Variants in EXOC3L2 observed in about 807,000 individuals in gnomAD.
EXOC3L2 encodes the protein exocyst complex component 3-like protein 2.
Under a neutral mutation model 44.4 loss-of-function variants are expected in EXOC3L2, and 17 were observed. The observed-to-expected ratio is 0.38, with a 90% CI of 0.26 to 0.57. The LOEUF is 0.57. Ranked by LOEUF, EXOC3L2 falls within the 20% of genes least tolerant of loss-of-function variation. EXOC3L2 has a pLI of 0.65. For missense variants in EXOC3L2, 541 were observed against 588.4 expected (o/e 0.92, Z 0.83); for synonymous variants, 256 against 253.7 (o/e 1.01, Z -0.09).
chr19:45,212,982 A>T lies in EXOC3L2; in HGVS notation c.*87T>A. The T allele has an allele frequency of 7.4e-7, 1 of 1,356,776 alleles. No homozygotes were observed. The highest frequency in any genetic ancestry group is 9.6e-7 in the Non-Finnish European group (1 of 1,043,078). 84.0% of individuals were successfully genotyped at this position (1,356,776 alleles called of 1,614,324 possible). On this transcript the variant is annotated 3_prime_UTR_variant, in exon 12 of 12. Transcript: ENST00000413988. ...TTCTATCCCAGGGGTGTGTGGTCCC[A>T]GGCAGGGAGTCAGGAGGGGCGCCGT...
At chr19:45,231,714 C>T in intron 4 of EXOC3L2, 49 bp downstream of exon 4, 3 of 1,512,058 alleles carry the variant, frequency 2.0e-6, no homozygotes, top group Non-Finnish European at 2.7e-6. Flanking sequence ...CACTGTGACC[C>T]CCTCCCTCCA....
At chr19:45,214,707 C>A (rs1275851844) in intron 11 of EXOC3L2, among the ~76,000 whole-genome samples, 7 of 151,862 alleles carry the variant, frequency 4.6e-5, no homozygotes, top group Admixed American at 4.6e-4. Flanking sequence ...TCAGGTGATC[C>A]ACCTACCTCG....
At chr19:45,225,005 C>G (rs1385850267) in intron 7 of EXOC3L2, 92 bp from the exon 8 acceptor site, 1 of 1,349,282 alleles carries the variant, frequency 7.4e-7, no homozygotes, top group East Asian at 2.8e-5. Context: ...CAGAGGGGCA[C>G]AGGGGTGACA....
chr19:45,222,201 C>CTTTT (rs60929770), intron 8 of EXOC3L2, among the ~76,000 whole-genome samples: 16 of 137,206 alleles, frequency 1.2e-4, no homozygotes, highest in African/African-American at 4.1e-4. Flanking sequence ...TTTTTCTCTC[C>CTTTT]TTTTTTTTTT....
At chr19:45,244,119 T>G (rs1970151259) in intron 1 of EXOC3L2, among the ~76,000 whole-genome samples, 1 of 151,648 alleles carries the variant, frequency 6.6e-6, no homozygotes, top group Non-Finnish European at 1.5e-5. Flanking sequence ...AGATGAGGTT[T>G]CGCCCTGTTG....
At chr19:45,232,412 A>G (rs1219513217) in intron 3 of EXOC3L2, among the ~76,000 whole-genome samples, 1 of 152,180 alleles carries the variant, frequency 6.6e-6, no homozygotes, top group Non-Finnish European at 1.5e-5. Flanking sequence ...CGGACTCCCT[A>G]TCCTGCCTCC....
At chr19:45,216,803 T>G (rs1048816059) in intron 10 of EXOC3L2, 2 of 152,124 alleles carry the variant, frequency 1.3e-5, no homozygotes, top group Non-Finnish European at 2.9e-5. Context: ...TTCTTACATC[T>G]GCATGTGAAT....
chr19:45,229,302 ATATATT>A (rs1299910208), intron 4 of EXOC3L2, among the ~76,000 whole-genome samples: 1 of 120,920 alleles, frequency 8.3e-6, no homozygotes, highest in Non-Finnish European at 1.7e-5. Flanking sequence ...AAATATATAC[ATATATT>A]TATGTATTAA....
Position 45,234,109 on chromosome 19 carries a change from A to G in EXOC3L2, c.1157+84T>C. ...CTAGGACTGTAGGGTCAGCTGTCCC[A>G]AGGTCCTTAAGGTCTGAAGAAGCCA... On this transcript the variant is annotated intron_variant, in intron 3 of 11. Coordinates refer to ENST00000413988, the MANE Select transcript of EXOC3L2 (RefSeq NM_001382422.1). The surrounding 1 kb of genome is among the most constrained non-coding windows in gnomAD (Gnocchi z 5.0). 2.7e-6 allele frequency: 1 copy of G among 377,338 alleles called. No homozygotes were observed. Among genetic ancestry groups the G allele is most frequent in the East Asian group, 3.8e-5 (1 of 26,244 alleles). The allele number at this position is 377,338 out of a possible 1,614,324, so 23.4% of individuals were successfully genotyped here.
intron 3 of EXOC3L2, among the ~76,000 whole-genome samples, chr19:45,233,529 G>A (rs1007605136): frequency 6.6e-6 from 1 of 152,118 alleles, no homozygotes; most frequent in African/African-American, 2.4e-5. Context: ...AGACTGGAAG[G>A]GTGAACAGCT....
intron 10 of EXOC3L2, chr19:45,217,066 A>C: frequency 6.6e-6 from 1 of 151,936 alleles, no homozygotes; most frequent in Non-Finnish European, 1.5e-5. Context: ...TCTGTCCTCC[A>C]GGCTGGAGTG....
At chr19:45,216,443 G>T (rs1044191845) in intron 10 of EXOC3L2, among the ~76,000 whole-genome samples, 2 of 152,078 alleles carry the variant, frequency 1.3e-5, no homozygotes, top group Non-Finnish European at 2.9e-5. Flanking sequence ...GCCAGGCGTG[G>T]TGGTGCACAC....
intron 8 of EXOC3L2, among the ~76,000 whole-genome samples, chr19:45,224,447 C>T (rs966251678): frequency 1.3e-5 from 2 of 151,944 alleles, no homozygotes; most frequent in African/African-American, 2.4e-5. Context: ...ACCTTTGCAC[C>T]GAACCCCTAT....
At chr19:45,227,580 A>G (rs1365017361) in intron 7 of EXOC3L2, 82 bp downstream of exon 7, 4 of 1,224,418 alleles carry the variant, frequency 3.3e-6, no homozygotes, top group Middle Eastern at 1.9e-4. Context: ...CAGTTCTGCA[A>G]TCCCCACCCA....
chr19:45,236,603 TA>T (rs1334538137), intron 2 of EXOC3L2, among the ~76,000 whole-genome samples: 6 of 150,178 alleles, frequency 4.0e-5, no homozygotes, highest in East Asian at 3.9e-4. Flanking sequence ...GGACTCAGGA[TA>T]GGGGTGAAGA....
At chr19:45,216,440 G>A (rs1200622591) in intron 10 of EXOC3L2, among the ~76,000 whole-genome samples, 7 of 152,016 alleles carry the variant, frequency 4.6e-5, no homozygotes, top group Non-Finnish European at 7.4e-5. Flanking sequence ...TTAGCCAGGC[G>A]TGGTGGTGCA....
intron 11 of EXOC3L2, among the ~76,000 whole-genome samples, chr19:45,215,740 C>T (rs1379705934): frequency 6.6e-6 from 1 of 152,098 alleles, no homozygotes; most frequent in East Asian, 1.9e-4. Context: ...AGTGCGTGTG[C>T]GCCCGTGTGC....
Position 45,216,093 on chromosome 19 carries a change from C to A in EXOC3L2, c.2100G>T (p.Val700=). ...PSIQVEVGVL[V]RDYPDIRQKH... is the part of the protein sequence containing the mutation. ...CTCACCTGATGTCTGGGTAGTCGCGCACCAACACTCCCACCTCCACCTGGA... is the reference window on the plus strand; with the variant it reads ...CTCACCTGATGTCTGGGTAGTCGCGAACCAACACTCCCACCTCCACCTGGA... The change falls in exon 11 of 12, where the codon GTG becomes GTT. Residue 700 remains valine, a synonymous_variant. Transcript: ENST00000413988. 2 of 1,613,902 alleles carry A rather than the reference C, an allele frequency of 1.2e-6. No individual in the cohort carries two copies. The highest frequency in any genetic ancestry group is 1.7e-6 in the Non-Finnish European group (2 of 1,179,952).
In EXOC3L2 at chr19:45,224,772, A is replaced by C. The variant is rs1969937124; in HGVS notation, c.1719+6T>G. 6.5e-7 allele frequency: 1 copy of C among 1,549,164 alleles called. No individual in the cohort carries two copies. Among genetic ancestry groups the C allele is most frequent in the Admixed American group, 2.0e-5 (1 of 50,854 alleles). On this transcript the variant is annotated splice_donor_region_variant and intron_variant, in intron 8 of 11. Transcript: ENST00000413988. ...GGCCCCAACCCTGGCCTCCCACCTC[A>C]CTCACCTGCAGCTCCTGGAACAGCA...
Sources: allele counts gnomAD v4.1 joint callset (sites outside exome capture counted in the v4.1 genomes callset), GRCh38; gene constraint gnomAD v4.1.1; non-coding constraint Gnocchi (gnomAD v3.1); transcripts MANE v1.5; gene names NCBI Gene and HGNC (gene_info 2026-07-23, HGNC 2026-07-21).